TEF: variants seen among roughly 807,000 people sequenced by gnomAD.
TEF encodes TEF transcription factor, PAR bZIP family member, also known as thyrotroph embryonic factor.
TEF carries 3 observed loss-of-function variants against 20.8 expected under a neutral mutation model. That is an observed-to-expected ratio of 0.14 (90% confidence interval 0.07 to 0.37). The LOEUF is 0.37. TEF is among the 10% of genes least tolerant of loss of function. The pLI, the probability that TEF is intolerant of heterozygous loss-of-function variation, is 1.00. For synonymous variants in TEF, 180 were observed against 171.1 expected, an observed-to-expected ratio of 1.05 and a Z score of -0.41; for missense variants, 296 against 397.9, an observed-to-expected ratio of 0.74 and a Z score of 2.18.
intron 1 of TEF, among the ~76,000 whole-genome samples, chr22:41,375,369 C>T (rs755438160): frequency 2.6e-5 from 4 of 152,204 alleles, no homozygotes; most frequent in Non-Finnish European, 5.9e-5. Flanking sequence ...AAGGCTTGTG[C>T]GGGCAGACTT....
At chr22:41,393,038 A>G (rs926493060) in intron 2 of TEF, among the ~76,000 whole-genome samples, 2 of 151,474 alleles carry the variant, frequency 1.3e-5, no homozygotes, top group Admixed American at 6.6e-5. Flanking sequence ...CAGTCTCAAA[A>G]GAAAAAGAAA....
intron 1 of TEF, chr22:41,382,942 C>G (rs567679501): frequency 5.3e-5 from 25 of 471,084 alleles, no homozygotes; most frequent in African/African-American, 4.4e-4. Context: ...TGAGCTTCAT[C>G]TTTTTGCCTA....
chr22:41,388,445 C>T (rs1010072197), intron 2 of TEF, among the ~76,000 whole-genome samples: 1 of 152,060 alleles, frequency 6.6e-6, no homozygotes, highest in Non-Finnish European at 1.5e-5. Context: ...TGGTCTTGAA[C>T]TCCTGACCTC....
chr22:41,382,782 T>TG (rs1033769626), intron 1 of TEF, among the ~76,000 whole-genome samples: 125 of 128,876 alleles, frequency 9.7e-4, no homozygotes, highest in African/African-American at 2.1e-3. Context: ...GCTGAGCGGG[T>TG]GGGGGGGGTG....
At chr22:41,389,807 A>C (rs1475704629) in intron 2 of TEF, among the ~76,000 whole-genome samples, 1 of 152,140 alleles carries the variant, frequency 6.6e-6, no homozygotes, top group Non-Finnish European at 1.5e-5. Flanking sequence ...AATAGTAGTC[A>C]ATTGTACTAA....
At chr22:41,389,019 T>A (rs2037133515) in intron 2 of TEF, among the ~76,000 whole-genome samples, 2 of 152,092 alleles carry the variant, frequency 1.3e-5, no homozygotes, top group Admixed American at 6.6e-5. Flanking sequence ...AGGGTTCTTT[T>A]AAAAAAAACA....
At chr22:41,387,015 G>C (rs1224376898) in intron 1 of TEF, among the ~76,000 whole-genome samples, 1 of 152,198 alleles carries the variant, frequency 6.6e-6, no homozygotes, top group East Asian at 1.9e-4. Flanking sequence ...CTGCACTCCA[G>C]CCTGGGCGAC....
intron 2 of TEF, among the ~76,000 whole-genome samples, chr22:41,388,143 C>T (rs978680199): frequency 9.9e-5 from 15 of 151,410 alleles, no homozygotes; most frequent in Admixed American, 8.6e-4. Context: ...ATTACAGGCA[C>T]CAGCCACCAC....
At chr22:41,394,071 G>A in intron 2 of TEF, 25 bp from the exon 3 acceptor site, 1 of 1,609,142 alleles carries the variant, frequency 6.2e-7, no homozygotes. Context: ...GCTGCTTCGG[G>A]ACCACCTGTC....
chr22:41,372,897 G>A (rs1276846532), intron 1 of TEF, among the ~76,000 whole-genome samples: 1 of 152,052 alleles, frequency 6.6e-6, no homozygotes, highest in Non-Finnish European at 1.5e-5. Context: ...ACCTGCAAAG[G>A]CCCTTCCTGG....
At chr22:41,368,982 T>C (rs1034474448) in intron 1 of TEF, 1 of 870,856 alleles carries the variant, frequency 1.1e-6, no homozygotes, top group African/African-American at 1.8e-5. Context: ...TGGGCAGAGC[T>C]GAACACATTT....
intron 2 of TEF, among the ~76,000 whole-genome samples, chr22:41,388,268 G>A (rs1337941854): frequency 6.6e-6 from 1 of 152,026 alleles, no homozygotes; most frequent in Admixed American, 6.6e-5. Flanking sequence ...AAAGTGCTGG[G>A]ATTACAGGCG....
At chr22:41,383,028 G>T in intron 1 of TEF, 1 of 471,178 alleles carries the variant, frequency 2.1e-6, no homozygotes, top group Middle Eastern at 3.3e-4. Flanking sequence ...GGGGTGCAGG[G>T]AGCAGCAGGA....
rs2037257606 is a variant in TEF, at chr22:41,398,574, G to C, written c.*2614G>C. 6.5e-6 allele frequency: 1 copy of C among 153,508 alleles called. No individual in the cohort carries two copies. The highest frequency in any genetic ancestry group is 6.5e-5 in the Admixed American group (1 of 15,270). 9.5% of individuals were successfully genotyped at this position (153,508 alleles called of 1,614,324 possible). A position where few individuals can be genotyped will look rare whatever the true frequency, so the allele number is the denominator to read the frequency against. On this transcript the variant is annotated 3_prime_UTR_variant, in exon 4 of 4. Coordinates refer to ENST00000266304, the MANE Select transcript of TEF (RefSeq NM_003216.4). ...TATTATAAATGTCTCATCTGATGGA[G>C]GAACGTGTGCATTTAGAGAGAGGGA... is the stretch of plus-strand genomic sequence containing the variant.
chr22:41,379,491 G>C (rs1308307705), upstream of TEF, among the ~76,000 whole-genome samples: 38 of 142,302 alleles, frequency 2.7e-4, no homozygotes, highest in Middle Eastern at 9.1e-3. Flanking sequence ...TGGGCAACAA[G>C]GGCAAAACTC....
At chr22:41,378,158 TAGC>T (rs1162801091), upstream of TEF, among the ~76,000 whole-genome samples, 357 of 111,884 alleles carry the variant, frequency 3.2e-3, 3 homozygotes, top group African/African-American at 9.3e-3. Flanking sequence ...AAAGCTTCCT[TAGC>T]TTCCTTTTTT....
At chr22:41,372,269 C>A (rs181135561) in intron 1 of TEF, among the ~76,000 whole-genome samples, 27 of 152,238 alleles carry the variant, frequency 1.8e-4, no homozygotes, top group African/African-American at 6.3e-4. Context: ...ACCTGCCCCC[C>A]ACCCCATCCC....
chr22:41,387,996 T>TTTTC (rs1823531041), intron 2 of TEF, among the ~76,000 whole-genome samples: 1 of 116,684 alleles, frequency 8.6e-6, no homozygotes, highest in Non-Finnish European at 1.8e-5. Context: ...TTTTTTTTTT[T>TTTTC]TTTTTTTTTT....
rs577088282 is a variant in TEF, at chr22:41,397,112, A to C, written c.*1152A>C. 9.0e-4 allele frequency: 357 copies of C among 398,660 alleles called. 1 individual carries two copies. The highest frequency in any genetic ancestry group is 1.4e-3 in the Non-Finnish European group (320 of 226,126). 24.7% of individuals were successfully genotyped at this position (398,660 alleles called of 1,614,324 possible). A position where few individuals can be genotyped will look rare whatever the true frequency, so the allele number is the denominator to read the frequency against. On this transcript the variant is annotated 3_prime_UTR_variant, in exon 4 of 4. Transcript: ENST00000266304. ...GCCCGGAGGGTGTCAGCAGGGCAAG[A>C]CACCTAGTCTAGAGTCACCAAGGTC...
Sources: gnomAD v4.1 joint callset for allele counts (sites outside exome capture counted in the v4.1 genomes callset) on GRCh38, gnomAD v4.1.1 for gene constraint, MANE v1.5 for transcripts, NCBI Gene and HGNC (gene_info 2026-07-23, HGNC 2026-07-21) for gene names.